Variants in FBXO11 observed in about 807,000 individuals in gnomAD.
FBXO11 encodes the protein F-box protein 11.
A neutral mutation model predicts 117.0 loss-of-function variants in FBXO11; 13 were observed. The observed-to-expected ratio is 0.11, with a 90% CI of 0.07 to 0.18. The LOEUF (loss-of-function observed/expected upper bound fraction) is 0.18. Among genes scored for constraint, FBXO11 ranks in the 10% least tolerant of loss-of-function variants. FBXO11 has a pLI of 1.00. For missense variants in FBXO11, 767 were observed against 1,164.4 expected (o/e 0.66, Z 4.97); for synonymous variants, 490 against 380.5 (o/e 1.29, Z -3.35).
chr2:47,902,452 A>T (rs1038821066), intron 1 of FBXO11, among the ~76,000 whole-genome samples: 9 of 152,210 alleles, frequency 5.9e-5, no homozygotes, highest in African/African-American at 2.2e-4. Context: ...CAAAGATTTT[A>T]ATCTATAGGG....
chr2:47,855,631 C>T (rs770176692), intron 1 of FBXO11, among the ~76,000 whole-genome samples: 13 of 151,972 alleles, frequency 8.6e-5, no homozygotes, highest in East Asian at 1.9e-4. Flanking sequence ...GTCAGGAGTT[C>T]GAGACCAGCC....
intron 1 of FBXO11, among the ~76,000 whole-genome samples, chr2:47,870,516 G>A (rs999374370): frequency 1.1e-4 from 16 of 152,150 alleles, no homozygotes; most frequent in Non-Finnish European, 1.6e-4. Flanking sequence ...CAAACACAGA[G>A]GGAGAATGCT....
At chr2:47,900,673 TACACACGTATAC>T (rs370814109) in intron 1 of FBXO11, among the ~76,000 whole-genome samples, 956 of 35,680 alleles carry the variant, frequency 0.027, 56 homozygotes, top group Middle Eastern at 0.088. Context: ...CGTACGTATA[TACACACGTATAC>T]ACACACGTAT....
intron 5 of FBXO11, among the ~76,000 whole-genome samples, chr2:47,835,500 CT>C (rs891732660): frequency 1.6e-4 from 24 of 147,638 alleles, no homozygotes; most frequent in East Asian, 2.0e-4. Flanking sequence ...ACCTACTCAA[CT>C]TTTTTTTTTT....
intron 16 of FBXO11, 119 bp from the exon 17 acceptor site, chr2:47,813,986 A>G (rs1480266046): frequency 6.9e-6 from 5 of 729,682 alleles, no homozygotes; most frequent in Non-Finnish European, 9.3e-6. Flanking sequence ...TAACTATACA[A>G]TGGAGTCCAA....
At chr2:47,870,433 G>C (rs1675538823) in intron 1 of FBXO11, among the ~76,000 whole-genome samples, 1 of 152,110 alleles carries the variant, frequency 6.6e-6, no homozygotes, top group African/African-American at 2.4e-5. Context: ...CAAGTTAAGG[G>C]AGGTCTTTAG....
intron 1 of FBXO11, among the ~76,000 whole-genome samples, chr2:47,898,584 A>T (rs1311415772): frequency 6.6e-6 from 1 of 152,222 alleles, no homozygotes; most frequent in Non-Finnish European, 1.5e-5. Flanking sequence ...TGATCTCATC[A>T]ACACACTGGA....
At chr2:47,820,218 C>G (rs905758872) in intron 14 of FBXO11, 144 bp downstream of exon 14, 9 of 467,060 alleles carry the variant, frequency 1.9e-5, no homozygotes, top group Non-Finnish European at 2.6e-5. Flanking sequence ...AGAAGAAGAA[C>G]GTTATTTTTG....
intron 11 of FBXO11, among the ~76,000 whole-genome samples, chr2:47,828,534 G>A (rs1671933730): frequency 6.6e-6 from 1 of 151,740 alleles, no homozygotes; most frequent in African/African-American, 2.4e-5. Flanking sequence ...CTTGAAGCCT[G>A]GAAGGTGGAG....
chr2:47,903,048 A>G (rs1466641342), intron 1 of FBXO11, among the ~76,000 whole-genome samples: 4 of 152,190 alleles, frequency 2.6e-5, no homozygotes, highest in Non-Finnish European at 4.4e-5. Context: ...CTAGAAAGTG[A>G]CACTTTGCGT....
intron 1 of FBXO11, among the ~76,000 whole-genome samples, chr2:47,869,174 C>G (rs1366465852): frequency 6.6e-6 from 1 of 152,152 alleles, no homozygotes; most frequent in Non-Finnish European, 1.5e-5. Context: ...AGGAGTGACA[C>G]CACTTATTTA....
chr2:47,859,328 T>C (rs1674574048), intron 1 of FBXO11, among the ~76,000 whole-genome samples: 1 of 152,120 alleles, frequency 6.6e-6, no homozygotes, highest in Admixed American at 6.5e-5. Flanking sequence ...AAATTAAGGA[T>C]TTAGAGAACT....
rs1269987980 is a variant in FBXO11 at position 47,855,161 on chromosome 2, A to T, written c.233-15392T>A. Among the ~76,000 whole-genome samples, 3 of 152,150 alleles carry T rather than the reference A, an allele frequency of 2.0e-5. No individual in the cohort carries two copies. The East Asian group carries it at 5.8e-4, about 29-fold the overall frequency. On this transcript the variant is annotated intron_variant, in intron 1 of 22. Coordinates refer to ENST00000403359, the MANE Select transcript of FBXO11 (RefSeq NM_001190274.2). ...TACATTTCAATTTCTAATGTTTAAA[A>T]TTAAAAATTTGGGGGAAAATGACAG...
At chr2:47,835,434 T>C (rs1215646450) in intron 5 of FBXO11, among the ~76,000 whole-genome samples, 1 of 152,244 alleles carries the variant, frequency 6.6e-6, no homozygotes, top group Non-Finnish European at 1.5e-5. Context: ...TGGGGGGATA[T>C]GTCAGTAGTG....
In FBXO11 at chr2:47,905,700, G is replaced by A. The variant is rs1217482734; in HGVS notation, c.21C>T (p.Ala7=). The A allele has an allele frequency of 1.3e-6, 2 of 1,523,304 alleles. No homozygotes were observed. The highest frequency in any genetic ancestry group is 1.8e-6 in the Non-Finnish European group (2 of 1,137,736). 94.4% of individuals were successfully genotyped at this position (1,523,304 alleles called of 1,614,324 possible). ...GCGACACTCGCCTGGGTCTCCGGTT[G>A]GCGGCTCGGACGGAGTTCATTTGCC... The part of the protein sequence containing the change: MNSVRA[A]NRRPRRVSRP... Residue 7 remains alanine (A), a synonymous_variant, in exon 1 of 23, where the codon GCC becomes GCT. Coordinates refer to ENST00000403359, the MANE Select transcript of FBXO11 (RefSeq NM_001190274.2).
chr2:47,810,256 CCACATCAAA>C, intron 19 of FBXO11, 51 bp downstream of exon 19: 1 of 1,107,166 alleles, frequency 9.0e-7, no homozygotes, highest in Non-Finnish European at 1.3e-6. Context: ...TGAATATACT[CCACATCAAA>C]CACTTTGCAG....
intron 1 of FBXO11, among the ~76,000 whole-genome samples, chr2:47,840,473 T>C (rs1253299832): frequency 3.5e-5 from 5 of 141,222 alleles, no homozygotes; most frequent in Admixed American, 7.1e-5. Context: ...TTTTTGGAGA[T>C]AGGGTCTCAT....
rs202100981 is a variant in FBXO11, at chr2:47,832,305, C to T, written c.1398+44G>A. Reference sequence around the variant, plus strand: ...ATGCTGAAACATACTTGGAATTTAACTGATACAGAAGTCCGTTTTTCTATT... The same window carrying T: ...ATGCTGAAACATACTTGGAATTTAATTGATACAGAAGTCCGTTTTTCTATT... On this transcript the variant is annotated intron_variant, in intron 11 of 22. Transcript: ENST00000403359. 982 of 1,505,122 alleles carry T rather than the reference C, an allele frequency of 6.5e-4. 3 individuals are homozygous for T. The highest frequency in any genetic ancestry group is 7.5e-4 in the Non-Finnish European group (839 of 1,116,252). The allele number at this position is 1,505,122 out of a possible 1,614,324, so 93.2% of individuals were successfully genotyped here. A position where few individuals can be genotyped will look rare whatever the true frequency, so the allele number is the denominator to read the frequency against.
chr2:47,808,524 G>T, intron 21 of FBXO11, 97 bp from the exon 22 acceptor site: 1 of 1,059,106 alleles, frequency 9.4e-7, no homozygotes, highest in Non-Finnish European at 1.3e-6. Flanking sequence ...GGCTTTAAGA[G>T]GACCAAAACA....
Sources: gnomAD v4.1 joint callset for allele counts (sites outside exome capture counted in the v4.1 genomes callset) on GRCh38, gnomAD v4.1.1 for gene constraint, MANE v1.5 for transcripts, NCBI Gene and HGNC (gene_info 2026-07-23, HGNC 2026-07-21) for gene names.